The following CSGALNACT1 variants were observed in gnomAD, a reference collection of about 807,000 sequenced individuals.
The protein encoded by CSGALNACT1 is chondroitin sulfate N-acetylgalactosaminyltransferase 1.
In CSGALNACT1, 52 loss-of-function variants were observed where a neutral mutation model predicts 51.0. The observed-to-expected ratio is 1.02, with a 90% CI of 0.82 to 1.29. The LOEUF (loss-of-function observed/expected upper bound fraction) is 1.29. Among genes scored for constraint, CSGALNACT1 ranks in the 50% most tolerant of loss-of-function variants. CSGALNACT1 has a pLI of 0.00. For synonymous variants in CSGALNACT1, 341 were observed against 254.4 expected (o/e 1.34, Z -3.24); for missense variants, 935 against 679.2 (o/e 1.38, Z -4.19).
intron 1 of CSGALNACT1, among the ~76,000 whole-genome samples, chr8:19,671,515 G>T (rs2059793884): frequency 6.6e-6 from 1 of 152,104 alleles, no homozygotes; most frequent in Admixed American, 6.5e-5. Context: ...TATTCACCAA[G>T]TACAGTATTT....
At chr8:19,672,318 T>C (rs1412057575) in intron 1 of CSGALNACT1, among the ~76,000 whole-genome samples, 1 of 152,186 alleles carries the variant, frequency 6.6e-6, no homozygotes, top group Admixed American at 6.5e-5. Flanking sequence ...GAGAAGAACA[T>C]GCAATACCCA....
chr8:19,504,526 T>A lies in CSGALNACT1; in HGVS notation c.634+675A>T, dbSNP rs925605667. On this transcript the variant is annotated intron_variant, in intron 4 of 9. Coordinates refer to ENST00000454498, the Ensembl canonical transcript of CSGALNACT1. ...CAAGAAACTGGACAAGGCTGCTGTC[T>A]TCTAAAATTAGACACAAACACAAAT... Among the ~76,000 whole-genome samples the A allele has an allele frequency of 2.0e-5, 3 of 152,204 alleles. No individual in the cohort carries two copies. In the East Asian group the frequency reaches 5.8e-4, roughly 29 times the overall value.
chr8:19,684,884 T>C (rs534714842), upstream of CSGALNACT1, among the ~76,000 whole-genome samples: 5 of 152,372 alleles, frequency 3.3e-5, no homozygotes, highest in East Asian at 7.7e-4. Context: ...TAATTTCATA[T>C]CCATGTTGTA....
chr8:19,447,299 G>A (rs140617627), intron 5 of CSGALNACT1, among the ~76,000 whole-genome samples: 348 of 152,314 alleles, frequency 2.3e-3, no homozygotes, highest in African/African-American at 7.9e-3. Context: ...ACAAAGCTGG[G>A]GGACTGGTAT....
intron 1 of CSGALNACT1, among the ~76,000 whole-genome samples, chr8:19,668,891 G>T (rs1024921234): frequency 1.3e-5 from 2 of 152,136 alleles, no homozygotes; most frequent in Admixed American, 6.5e-5. Flanking sequence ...GATCAATCAC[G>T]TTGGATAAGG....
chr8:19,523,035 T>G (rs927859343), intron 3 of CSGALNACT1, among the ~76,000 whole-genome samples: 5 of 152,176 alleles, frequency 3.3e-5, no homozygotes, highest in African/African-American at 9.7e-5. Context: ...ATGATCCTTT[T>G]GAATACACTC....
At chr8:19,613,274 T>C (rs967605868) in intron 1 of CSGALNACT1, among the ~76,000 whole-genome samples, 1 of 152,228 alleles carries the variant, frequency 6.6e-6, no homozygotes, top group Non-Finnish European at 1.5e-5. Flanking sequence ...ATATAATTTA[T>C]GTTTCTATTT....
At chr8:19,729,759 T>TCACCTCC (rs1479204548) in intron 1 of CSGALNACT1, among the ~76,000 whole-genome samples, 62 of 152,246 alleles carry the variant, frequency 4.1e-4, no homozygotes, top group Non-Finnish European at 7.4e-4. Context: ...TATCCTCTGC[T>TCACCTCC]TTGACCACAC....
intron 1 of CSGALNACT1, among the ~76,000 whole-genome samples, chr8:19,675,074 T>C (rs2060079062): frequency 6.6e-6 from 1 of 152,084 alleles, no homozygotes; most frequent in Non-Finnish European, 1.5e-5. Flanking sequence ...GAAATAAAAG[T>C]CTGGTGAGAG....
chr8:19,434,902 T>G (rs1478432810), intron 6 of CSGALNACT1, among the ~76,000 whole-genome samples: 1 of 151,530 alleles, frequency 6.6e-6, no homozygotes, highest in Non-Finnish European at 1.5e-5. Context: ...ACAAAAAGCC[T>G]GGAACAAACC....
intron 1 of CSGALNACT1, among the ~76,000 whole-genome samples, chr8:19,627,370 C>T (rs1454438666): frequency 4.6e-5 from 7 of 152,002 alleles, no homozygotes; most frequent in Admixed American, 3.9e-4. Context: ...GGAAGGGGAG[C>T]GAGTTAGGGA....
At chr8:19,656,634 A>C (rs1248013038) in intron 1 of CSGALNACT1, among the ~76,000 whole-genome samples, 1 of 148,646 alleles carries the variant, frequency 6.7e-6, no homozygotes, top group African/African-American at 2.4e-5. Flanking sequence ...AAGACTTCAA[A>C]CATTAGAATT....
At chr8:19,739,685 G>A (rs905530628) in intron 1 of CSGALNACT1, among the ~76,000 whole-genome samples, 15 of 152,146 alleles carry the variant, frequency 9.9e-5, no homozygotes, top group African/African-American at 2.9e-4. Flanking sequence ...TGCCTGGAAC[G>A]TGATGTGATG....
At chr8:19,447,744 C>T (rs945590545) in intron 5 of CSGALNACT1, among the ~76,000 whole-genome samples, 2 of 152,194 alleles carry the variant, frequency 1.3e-5, no homozygotes, top group Non-Finnish European at 2.9e-5. Flanking sequence ...TAAAAACTGA[C>T]TTGTCAGAGA....
intron 1 of CSGALNACT1, among the ~76,000 whole-genome samples, chr8:19,639,208 C>A (rs2056453898): frequency 1.3e-5 from 2 of 152,116 alleles, no homozygotes; most frequent in Non-Finnish European, 1.5e-5. Context: ...AACCACAGAA[C>A]AATCAACAAT....
chr8:19,514,090 C>G (rs1031605549), intron 3 of CSGALNACT1, among the ~76,000 whole-genome samples: 2 of 152,112 alleles, frequency 1.3e-5, no homozygotes, highest in Non-Finnish European at 2.9e-5. Flanking sequence ...GGGCCAAGTG[C>G]TTTATCTTCT....
At chr8:19,579,225 T>A (rs1226421074) in intron 3 of CSGALNACT1, among the ~76,000 whole-genome samples, 2 of 152,196 alleles carry the variant, frequency 1.3e-5, no homozygotes, top group Admixed American at 1.3e-4. Flanking sequence ...TGGCCCCAGC[T>A]CCAAATTCAG....
chr8:19,404,413 C>T (rs1286554083), exon 10 of CSGALNACT1: 1 of 452,978 alleles, frequency 2.2e-6, no homozygotes. Context: ...AGAAACCACT[C>T]TATGTTAACT....
At chr8:19,684,028 T>C (rs759121339), upstream of CSGALNACT1, among the ~76,000 whole-genome samples, 16 of 152,106 alleles carry the variant, frequency 1.1e-4, no homozygotes, top group Admixed American at 3.9e-4. Context: ...TAGCCGGGTA[T>C]GGCGGCACAC....
Sources: allele counts gnomAD v4.1 joint callset (sites outside exome capture counted in the v4.1 genomes callset), GRCh38; gene constraint gnomAD v4.1.1; transcripts MANE v1.5; gene names NCBI Gene and HGNC (gene_info 2026-07-23, HGNC 2026-07-21).